Variants in NEBL observed in about 807,000 individuals in gnomAD.
NEBL encodes the protein nebulette, also known as LIM and SH3 protein 2.
NEBL carries 122 observed loss-of-function variants against 140.2 expected under a neutral mutation model. The observed-to-expected ratio is 0.87, with a 90% CI of 0.75 to 1.01. The LOEUF (loss-of-function observed/expected upper bound fraction) is 1.01. Ranked by LOEUF, NEBL falls within the 50% of genes least tolerant of loss-of-function variation. NEBL has a pLI of 0.00. For synonymous variants in NEBL, 436 were observed against 398.9 expected, an observed-to-expected ratio of 1.09 and a Z score of -1.11; for missense variants, 1,365 against 1,231.3, an observed-to-expected ratio of 1.11 and a Z score of -1.62.
At chr10:21,289,609 T>A (rs1843115119) in intron 1 of NEBL, among the ~76,000 whole-genome samples, 1 of 152,150 alleles carries the variant, frequency 6.6e-6, no homozygotes, top group African/African-American at 2.4e-5. Flanking sequence ...GTGTCAGGAC[T>A]TCTCCAGAGC....
At chr10:21,254,817 C>A (rs1024160865) in intron 1 of NEBL, among the ~76,000 whole-genome samples, 3 of 152,092 alleles carry the variant, frequency 2.0e-5, no homozygotes, top group Admixed American at 6.6e-5. Context: ...ACTTCACATA[C>A]CCTGCCCATG....
At chr10:21,263,835 G>C (rs1384057289) in intron 1 of NEBL, among the ~76,000 whole-genome samples, 1 of 152,060 alleles carries the variant, frequency 6.6e-6, no homozygotes, top group African/African-American at 2.4e-5. Flanking sequence ...CGTGGTGGTG[G>C]GTGCCTATAA....
At chr10:20,791,212 G>A (rs1192969158) in intron 26 of NEBL, among the ~76,000 whole-genome samples, 1 of 152,042 alleles carries the variant, frequency 6.6e-6, no homozygotes, top group Non-Finnish European at 1.5e-5. Flanking sequence ...GGCTCTATAT[G>A]GAATATTCTA....
At chr10:21,235,340 T>C (rs1842333907) in intron 3 of NEBL, among the ~76,000 whole-genome samples, 1 of 151,916 alleles carries the variant, frequency 6.6e-6, no homozygotes, top group Non-Finnish European at 1.5e-5. Flanking sequence ...ACATAAGTGT[T>C]TTTATTTATT....
At chr10:20,818,743 A>C in intron 20 of NEBL, 2 of 958,486 alleles carry the variant, frequency 2.1e-6, no homozygotes, top group African/African-American at 1.8e-5. Flanking sequence ...TGCCCAGTAC[A>C]TTTGGGTACT....
At chr10:21,068,799 G>A (rs1366143277) in intron 2 of NEBL, among the ~76,000 whole-genome samples, 1 of 152,224 alleles carries the variant, frequency 6.6e-6, no homozygotes, top group East Asian at 1.9e-4. Flanking sequence ...CTAGTTTGCT[G>A]TAAATTTCAA....
chr10:20,982,868 C>T (rs946318118), intron 3 of NEBL, among the ~76,000 whole-genome samples: 5 of 151,978 alleles, frequency 3.3e-5, no homozygotes, highest in Admixed American at 1.3e-4. Context: ...TTAAGAATGC[C>T]AAGTTTTACA....
intron 2 of NEBL, among the ~76,000 whole-genome samples, chr10:21,079,609 C>A (rs986744259): frequency 6.6e-6 from 1 of 152,198 alleles, no homozygotes; most frequent in Non-Finnish European, 1.5e-5. Flanking sequence ...CAACTTCTCA[C>A]CCAAATAGAA....
chr10:20,900,668 CA>C (rs113404858), upstream of NEBL, among the ~76,000 whole-genome samples: 8,981 of 118,376 alleles, frequency 0.076, 841 homozygotes, highest in African/African-American at 0.24. Flanking sequence ...TACTAAAATA[CA>C]AAAAAAAAAA....
chr10:21,179,672 C>T (rs180840188), upstream of NEBL, among the ~76,000 whole-genome samples: 39 of 151,596 alleles, frequency 2.6e-4, no homozygotes, highest in East Asian at 7.4e-3. Flanking sequence ...TCTGTTGGTC[C>T]TATAACACTA....
At chr10:21,089,527 G>A (rs1836809629) in intron 2 of NEBL, among the ~76,000 whole-genome samples, 1 of 152,058 alleles carries the variant, frequency 6.6e-6, no homozygotes, top group Non-Finnish European at 1.5e-5. Context: ...GTGGCAAGAG[G>A]GAAGCTGAGG....
chr10:21,036,361 G>A (rs1834016852), intron 2 of NEBL, among the ~76,000 whole-genome samples: 1 of 152,084 alleles, frequency 6.6e-6, no homozygotes, highest in Admixed American at 6.5e-5. Context: ...GGCTTAGGTG[G>A]GAGGGTCATT....
intron 13 of NEBL, among the ~76,000 whole-genome samples, chr10:20,839,961 C>T (rs1367505576): frequency 1.3e-5 from 2 of 152,304 alleles, no homozygotes; most frequent in South Asian, 4.1e-4. Flanking sequence ...GGAAGAGAGA[C>T]ATCATCTGAA....
intron 20 of NEBL, chr10:20,818,666 G>A (rs1838976241): frequency 2.5e-6 from 1 of 392,336 alleles, no homozygotes; most frequent in African/African-American, 2.2e-5. Flanking sequence ...TTTACCAACT[G>A]AACTATGAGG....
chr10:20,996,734 G>A (rs75564309), intron 3 of NEBL, among the ~76,000 whole-genome samples: 1 of 152,244 alleles, frequency 6.6e-6, no homozygotes, highest in Non-Finnish European at 1.5e-5. Context: ...CATATGGACT[G>A]CCTAAAAACA....
At chr10:20,821,681 A>T in intron 19 of NEBL, among the ~76,000 whole-genome samples, 1 of 152,216 alleles carries the variant, frequency 6.6e-6, no homozygotes, top group South Asian at 2.1e-4. Flanking sequence ...CTTAAACATT[A>T]AGATTGTCAG....
In NEBL at chr10:20,828,561, C is replaced by G. The variant is rs1422336561; in HGVS notation, c.1745G>C (p.Arg582Thr). Residue 582 changes from arginine to threonine, a missense_variant, in exon 17 of 28, where the codon AGA becomes ACA. By Grantham distance (71) the Arg-to-Thr change is moderately conservative. This residue lies in a region of NEBL where 1,323 missense variants were observed against 1,154.8 expected (regional missense o/e 1.15). Transcript: ENST00000377122. ...AATGTTTTGTTGAGTTGTCTTAATT[C>G]TCTGAATTTCAGGAGTATCTGCTAT... ...STIADTPEIQRIKTTQQNISA... is the reference protein window; with the variant it reads ...STIADTPEIQTIKTTQQNISA... The G allele has an allele frequency of 1.3e-6, 2 of 1,594,498 alleles. No homozygotes were observed. The highest frequency in any genetic ancestry group is 2.2e-5 in the South Asian group (2 of 90,666).
chr10:21,166,237 A>AG (rs1840761836), intron 2 of NEBL, among the ~76,000 whole-genome samples: 3 of 120,030 alleles, frequency 2.5e-5, no homozygotes, highest in African/African-American at 8.4e-5. Context: ...AAAAAAAAAA[A>AG]AAAAAAAAGA....
chr10:21,165,209 T>C (rs924234279), intron 2 of NEBL, among the ~76,000 whole-genome samples: 4 of 152,216 alleles, frequency 2.6e-5, no homozygotes, highest in African/African-American at 9.6e-5. Flanking sequence ...CAGATTACAA[T>C]TTAACCCAGA....
Sources: allele counts gnomAD v4.1 joint callset (sites outside exome capture counted in the v4.1 genomes callset), GRCh38; gene constraint gnomAD v4.1.1; regional missense constraint gnomAD v4.1.1; transcripts MANE v1.5; gene names NCBI Gene and HGNC (gene_info 2026-07-23, HGNC 2026-07-21).